Variants in PARD3 observed in about 807,000 individuals in gnomAD.
The protein encoded by PARD3 is par-3 family cell polarity regulator.
In PARD3, 75 loss-of-function variants were observed where a neutral mutation model predicts 155.4. The ratio of observed to expected loss-of-function variants is 0.48; its 90% CI spans 0.40 to 0.58. The LOEUF is 0.58. Ranked by LOEUF, PARD3 falls within the 20% of genes least tolerant of loss-of-function variation. The pLI, the probability that PARD3 is intolerant of heterozygous loss-of-function variation, is 0.00. For synonymous variants in PARD3, 576 were observed against 610.5 expected (o/e 0.94, Z 0.83); for missense variants, 1,642 against 1,721.7 (o/e 0.95, Z 0.82).
chr10:34,439,480 G>A (rs974963311), intron 5 of PARD3, among the ~76,000 whole-genome samples: 1 of 151,254 alleles, frequency 6.6e-6, no homozygotes, highest in African/African-American at 2.4e-5. Context: ...CTTTTCTTGA[G>A]AGAGTTTCAC....
chr10:34,642,369 C>G (rs781283848), intron 2 of PARD3, among the ~76,000 whole-genome samples: 3 of 151,988 alleles, frequency 2.0e-5, no homozygotes, highest in Non-Finnish European at 2.9e-5. Context: ...GCCCTTGACC[C>G]TCCTCTTCCT....
chr10:34,225,180 G>T (rs1952523157), intron 22 of PARD3, among the ~76,000 whole-genome samples: 1 of 152,076 alleles, frequency 6.6e-6, no homozygotes, highest in Admixed American at 6.6e-5. Flanking sequence ...TGACAATACT[G>T]GATTTCATAT....
chr10:34,225,338 G>GC (rs1952532440), intron 22 of PARD3, among the ~76,000 whole-genome samples: 1 of 150,082 alleles, frequency 6.7e-6, no homozygotes, highest in Non-Finnish European at 1.5e-5. Flanking sequence ...GACTGGACTA[G>GC]TTTTTTTTCT....
Position 34,317,348 on chromosome 10 carries a change from A to G in PARD3, c.2834-10T>C, listed in dbSNP as rs542245027. ...TCTGTGTCTTCTTCCACTTGGAAGG[A>G]AAGAAAAAAAAATAGGGACACAGTG... On this transcript the variant is annotated splice_polypyrimidine_tract_variant and intron_variant, in intron 19 of 24. Coordinates refer to ENST00000374788, the MANE Select transcript of PARD3 (RefSeq NM_001184785.2). 1.9e-6 allele frequency: 3 copies of G among 1,582,410 alleles called. No individual in the cohort carries two copies. In the African/African-American group the frequency reaches 4.1e-5, roughly 22 times the overall value.
intron 1 of PARD3, among the ~76,000 whole-genome samples, chr10:34,771,128 C>T (rs1451589137): frequency 1.3e-5 from 2 of 152,218 alleles, no homozygotes; most frequent in African/African-American, 2.4e-5. Context: ...CTGTGATTTT[C>T]ATCAGGAAAC....
intron 3 of PARD3, among the ~76,000 whole-genome samples, chr10:34,512,710 T>C (rs956418481): frequency 3.3e-5 from 5 of 152,316 alleles, no homozygotes; most frequent in South Asian, 2.1e-4. Flanking sequence ...CTAAAACATA[T>C]CAGGAATTAA....
chr10:34,271,635 G>C (rs968899479), intron 21 of PARD3, among the ~76,000 whole-genome samples: 1 of 152,202 alleles, frequency 6.6e-6, no homozygotes, highest in African/African-American at 2.4e-5. Context: ...CTATGATAAA[G>C]TAAGGATGTG....
chr10:34,370,952 C>G (rs1043814602), intron 12 of PARD3, among the ~76,000 whole-genome samples: 1 of 151,908 alleles, frequency 6.6e-6, no homozygotes, highest in African/African-American at 2.4e-5. Flanking sequence ...GTTATAAACA[C>G]TACGTAAACT....
At chr10:34,133,757 T>C (rs1947739835) in intron 22 of PARD3, among the ~76,000 whole-genome samples, 1 of 152,202 alleles carries the variant, frequency 6.6e-6, no homozygotes, top group Admixed American at 6.5e-5. Context: ...ATCTCAAAGG[T>C]TTAAGCATCT....
chr10:34,582,036 G>T (rs1221612556), intron 2 of PARD3, among the ~76,000 whole-genome samples: 2 of 152,118 alleles, frequency 1.3e-5, no homozygotes, highest in African/African-American at 4.8e-5. Context: ...AAAAATTTAC[G>T]CCAAGAACCA....
intron 2 of PARD3, among the ~76,000 whole-genome samples, chr10:34,681,728 TTTTATATATA>T (rs1215925533): frequency 9.2e-5 from 6 of 65,542 alleles, no homozygotes; most frequent in African/African-American, 3.1e-4. Context: ...TACGTATGTA[TTTTATATATA>T]TATATATATA....
intron 22 of PARD3, among the ~76,000 whole-genome samples, chr10:34,261,825 G>GAAAGAAAGAAAGAAAGAAAGAAAGAAAC (rs1238097146): frequency 2.2e-5 from 3 of 138,888 alleles, no homozygotes; most frequent in East Asian, 2.2e-4. Context: ...AAGAAAGAAA[G>GAAAGAAAGAAAGAAAGAAAGAAAGAAAC]AAACAAACAA....
At chr10:34,460,692 G>T (rs996910067) in intron 4 of PARD3, among the ~76,000 whole-genome samples, 3 of 152,088 alleles carry the variant, frequency 2.0e-5, no homozygotes, top group Non-Finnish European at 4.4e-5. Context: ...AATTAGCCGG[G>T]TGTGGTGGCA....
At chr10:34,426,580 T>G (rs1376790680) in intron 5 of PARD3, 3 of 152,356 alleles carry the variant, frequency 2.0e-5, no homozygotes, top group African/African-American at 7.2e-5. Context: ...AAAAATTTAC[T>G]TGTTAAAATA....
chr10:34,761,329 T>C (rs918849686), intron 1 of PARD3, among the ~76,000 whole-genome samples: 8 of 152,126 alleles, frequency 5.3e-5, no homozygotes, highest in African/African-American at 1.9e-4. Flanking sequence ...GAGAATCACT[T>C]GAACCCAGGA....
intron 2 of PARD3, among the ~76,000 whole-genome samples, chr10:34,657,754 G>T (rs1020238657): frequency 3.9e-5 from 6 of 151,972 alleles, no homozygotes; most frequent in East Asian, 2.0e-4. Context: ...GGCCAAGCTG[G>T]TCTCAAATTC....
chr10:34,133,655 A>C (rs1035705514), intron 22 of PARD3, among the ~76,000 whole-genome samples: 12 of 152,280 alleles, frequency 7.9e-5, no homozygotes, highest in African/African-American at 2.9e-4. Context: ...GATTTGTGAG[A>C]GGTAGCTTGG....
intron 22 of PARD3, among the ~76,000 whole-genome samples, chr10:34,239,670 A>G (rs1023941013): frequency 2.0e-5 from 3 of 151,868 alleles, no homozygotes; most frequent in Non-Finnish European, 2.9e-5. Context: ...GGGCATGGTG[A>G]CGTGTGCCTG....
At chr10:34,223,265 C>A (rs569086309) in intron 22 of PARD3, among the ~76,000 whole-genome samples, 1 of 151,898 alleles carries the variant, frequency 6.6e-6, no homozygotes, top group African/African-American at 2.4e-5. Flanking sequence ...CAAAATGCCA[C>A]CAACAAGAGG....
Sources: allele counts gnomAD v4.1 joint callset (sites outside exome capture counted in the v4.1 genomes callset), GRCh38; gene constraint gnomAD v4.1.1; transcripts MANE v1.5; gene names NCBI Gene and HGNC (gene_info 2026-07-23, HGNC 2026-07-21).